DDX10: variants seen among roughly 807,000 people sequenced by gnomAD.
DDX10 encodes probable ATP-dependent RNA helicase DDX10.
A neutral mutation model predicts 104.3 loss-of-function variants in DDX10; 74 were observed. The observed-to-expected ratio is 0.71, with a 90% CI of 0.59 to 0.86. The LOEUF (loss-of-function observed/expected upper bound fraction) is 0.86, where lower values mean the gene tolerates loss of function less well. Ranked by LOEUF, DDX10 falls within the 40% of genes least tolerant of loss-of-function variation. The pLI is 0.00. For missense variants in DDX10, 952 were observed against 1,040.0 expected (o/e 0.92, Z 1.16); for synonymous variants, 351 against 353.4 (o/e 0.99, Z 0.08).
chr11:108,782,417 C>T (rs1268570056), intron 13 of DDX10, among the ~76,000 whole-genome samples: 1 of 152,100 alleles, frequency 6.6e-6, no homozygotes, highest in East Asian at 1.9e-4. Flanking sequence ...ACTATTTCTT[C>T]ATCACTTTAG....
intron 13 of DDX10, among the ~76,000 whole-genome samples, chr11:108,736,709 G>T (rs1446872670): frequency 6.6e-6 from 1 of 152,060 alleles, no homozygotes; most frequent in African/African-American, 2.4e-5. Context: ...CTTGCCCTCT[G>T]CCTTCTGCCA....
chr11:108,892,498 T>C (rs1466932493), intron 16 of DDX10, among the ~76,000 whole-genome samples: 1 of 152,198 alleles, frequency 6.6e-6, no homozygotes, highest in Non-Finnish European at 1.5e-5. Flanking sequence ...CCTTTGCCAT[T>C]AATATTTTTA....
At chr11:108,873,020 G>A (rs554736494) in intron 16 of DDX10, among the ~76,000 whole-genome samples, 22 of 152,222 alleles carry the variant, frequency 1.4e-4, no homozygotes, top group African/African-American at 5.3e-4. Context: ...TAAAATCTGT[G>A]AGTGTTTATA....
At chr11:108,689,568 C>T (rs1294821900) in intron 7 of DDX10, among the ~76,000 whole-genome samples, 1 of 152,176 alleles carries the variant, frequency 6.6e-6, no homozygotes, top group African/African-American at 2.4e-5. Context: ...TTGTTCCCTC[C>T]CCTAACCTTC....
Position 108,700,068 on chromosome 11 carries a change from A to G in DDX10, c.1223+6468A>G, listed in dbSNP as rs192866314. On this transcript the variant is annotated intron_variant, in intron 9 of 17. Transcript: ENST00000322536. ...CTCTCATAGGTGAGGACTCTCACCT[A>G]GCAAATACCATGTTTGTTTCCCTGG... Among the ~76,000 whole-genome samples the G allele has an allele frequency of 1.5e-3, 224 of 152,318 alleles. 2 individuals are homozygous for G. Among genetic ancestry groups the G allele is most frequent in the African/African-American group, 5.0e-3 (209 of 41,584 alleles).
At chr11:108,666,111 T>C (rs1306012050) in intron 1 of DDX10, among the ~76,000 whole-genome samples, 1 of 152,210 alleles carries the variant, frequency 6.6e-6, no homozygotes, top group East Asian at 1.9e-4. Context: ...CTAAATCCCA[T>C]GTTTGTTGGT....
In DDX10 at chr11:108,923,641, A is replaced by T. The variant is rs982350775; in HGVS notation, c.2450+5623A>T. 2.0e-5 allele frequency among the ~76,000 whole-genome samples: 3 copies of T among 152,216 alleles called. No homozygotes were observed. The South Asian group carries it at 6.2e-4, about 32-fold the overall frequency. On this transcript the variant is annotated intron_variant, in intron 17 of 17. Transcript: ENST00000322536. ...CTGCTTTCACAAAGCTTTTTGTTCC[A>T]TGGAGGTTACAGGTAGCTAAATAAG...
intron 9 of DDX10, among the ~76,000 whole-genome samples, chr11:108,696,215 C>T (rs2094259716): frequency 6.6e-6 from 1 of 152,004 alleles, no homozygotes; most frequent in East Asian, 1.9e-4. Flanking sequence ...GTCGCTCTGT[C>T]ACCCAGGCTG....
intron 16 of DDX10, among the ~76,000 whole-genome samples, chr11:108,904,737 T>G (rs530853019): frequency 6.6e-6 from 1 of 151,864 alleles, no homozygotes; most frequent in Non-Finnish European, 1.5e-5. Context: ...TTTTTTTTTT[T>G]CCCCTGAGAT....
At chr11:108,908,121 C>G (rs887442892) in intron 16 of DDX10, among the ~76,000 whole-genome samples, 1 of 152,124 alleles carries the variant, frequency 6.6e-6, no homozygotes, top group Admixed American at 6.5e-5. Context: ...TTAATTTCTT[C>G]TCTAAATAAT....
At chr11:108,755,604 G>A (rs2094343499) in intron 13 of DDX10, among the ~76,000 whole-genome samples, 1 of 151,950 alleles carries the variant, frequency 6.6e-6, no homozygotes. Flanking sequence ...AGGCTTTTGA[G>A]CTTGCAGATA....
At chr11:108,876,032 C>T (rs540653193) in intron 16 of DDX10, among the ~76,000 whole-genome samples, 46 of 152,096 alleles carry the variant, frequency 3.0e-4, no homozygotes, top group Middle Eastern at 6.8e-3. Flanking sequence ...ATATGTTCTC[C>T]GAGAATGTTA....
At position 108,677,380 on chromosome 11, in the gene DDX10, G is replaced by T. The variant is rs535392138; in HGVS notation, c.537+137G>T. 1.1e-5 allele frequency: 8 copies of T among 712,908 alleles called. No homozygotes were observed. In the Admixed American group the frequency reaches 1.7e-4, roughly 15 times the overall value. 44.2% of individuals were successfully genotyped at this position (712,908 alleles called of 1,614,324 possible). On this transcript the variant is annotated intron_variant, in intron 4 of 17. Transcript: ENST00000322536. ...GGGCCTCATGGGATAGTAGCACTTGGTGTGGTCGCTGCTATCTACGATCTG... is the reference window on the plus strand; with the variant it reads ...GGGCCTCATGGGATAGTAGCACTTGTTGTGGTCGCTGCTATCTACGATCTG...
chr11:108,771,978 G>T (rs980998047), intron 13 of DDX10, among the ~76,000 whole-genome samples: 2 of 152,174 alleles, frequency 1.3e-5, no homozygotes, highest in South Asian at 2.1e-4. Flanking sequence ...TACTGGTTTT[G>T]TAGCTTTTAG....
intron 16 of DDX10, among the ~76,000 whole-genome samples, chr11:108,894,000 A>G (rs900658996): frequency 3.9e-5 from 6 of 152,074 alleles, no homozygotes; most frequent in South Asian, 4.1e-4. Context: ...ATGTTCCCCT[A>G]TCGAAGTCCA....
chr11:108,777,201 T>C (rs2094370991), intron 13 of DDX10, among the ~76,000 whole-genome samples: 1 of 152,238 alleles, frequency 6.6e-6, no homozygotes, highest in Non-Finnish European at 1.5e-5. Flanking sequence ...GATTTATATA[T>C]TCTTTGTTGG....
intron 6 of DDX10, among the ~76,000 whole-genome samples, chr11:108,681,363 T>C (rs1395332933): frequency 6.6e-6 from 1 of 152,158 alleles, no homozygotes; most frequent in African/African-American, 2.4e-5. Context: ...TTTTGGAAGG[T>C]AGACATGTAT....
chr11:108,711,071 A>T (rs2094283681), intron 10 of DDX10, among the ~76,000 whole-genome samples: 1 of 152,148 alleles, frequency 6.6e-6, no homozygotes, highest in Non-Finnish European at 1.5e-5. Context: ...GGCTGTCATT[A>T]CAGTCTTATG....
intron 16 of DDX10, among the ~76,000 whole-genome samples, chr11:108,884,442 G>C (rs2250385): frequency 6.6e-6 from 1 of 152,034 alleles, no homozygotes; most frequent in African/African-American, 2.4e-5. Flanking sequence ...CTCACCTTCT[G>C]CCTCTTCCCC....
Sources: allele counts gnomAD v4.1 joint callset (sites outside exome capture counted in the v4.1 genomes callset), GRCh38; gene constraint gnomAD v4.1.1; transcripts MANE v1.5; gene names NCBI Gene and HGNC (gene_info 2026-07-23, HGNC 2026-07-21).